Variants in IMMP2L observed in about 807,000 individuals in gnomAD.
The protein encoded by IMMP2L is inner mitochondrial membrane peptidase subunit 2.
Under a neutral mutation model 19.3 loss-of-function variants are expected in IMMP2L, and 18 were observed. The observed-to-expected ratio is 0.93, with a 90% CI of 0.64 to 1.38. IMMP2L has a LOEUF of 1.38. Among genes scored for constraint, IMMP2L ranks in the 40% most tolerant of loss-of-function variants. The pLI is 0.00. For synonymous variants in IMMP2L, 76 were observed against 73.0 expected, an observed-to-expected ratio of 1.04 and a Z score of -0.21; for missense variants, 233 against 218.2, an observed-to-expected ratio of 1.07 and a Z score of -0.43.
rs1383223857 is a variant in IMMP2L at position 110,752,098 on chromosome 7, G to C, written c.409-88377C>G. ...TGTTTGTCCAAGTTTGAGAACCACT[G>C]CTTAATATAGAATTTTAACCCAGGC... On this transcript the variant is annotated intron_variant, in intron 5 of 5. Transcript: ENST00000405709. 4.6e-5 allele frequency among the ~76,000 whole-genome samples: 7 copies of C among 152,100 alleles called. 1 individual carries two copies. The highest frequency in any genetic ancestry group is 1.7e-4 in the African/African-American group (7 of 41,534).
At chr7:111,012,223 G>T (rs1825043255) in intron 3 of IMMP2L, among the ~76,000 whole-genome samples, 1 of 152,106 alleles carries the variant, frequency 6.6e-6, no homozygotes, top group African/African-American at 2.4e-5. Context: ...TTTCTGATGA[G>T]ATGTCCAAGC....
intron 3 of IMMP2L, among the ~76,000 whole-genome samples, chr7:110,972,134 G>C (rs1820204066): frequency 6.6e-6 from 1 of 151,164 alleles, no homozygotes; most frequent in African/African-American, 2.4e-5. Flanking sequence ...GCCCCCAATT[G>C]TAGACTGGAA....
At chr7:111,439,648 T>TGC (rs1348018865) in intron 3 of IMMP2L, among the ~76,000 whole-genome samples, 2 of 151,972 alleles carry the variant, frequency 1.3e-5, no homozygotes, top group African/African-American at 2.4e-5. Context: ...GGAAGTGTCT[T>TGC]GCCTCAATGT....
At chr7:111,265,528 G>C (rs1817740358) in intron 3 of IMMP2L, among the ~76,000 whole-genome samples, 1 of 152,090 alleles carries the variant, frequency 6.6e-6, no homozygotes, top group Non-Finnish European at 1.5e-5. Flanking sequence ...AAGGACAAAG[G>C]AATCAGAAAA....
At position 111,410,964 on chromosome 7, in the gene IMMP2L, A is replaced by C. The variant is rs1289025694; in HGVS notation, c.239+76274T>G. ...AAATAAGAGGAAAGAGGTCAAGAAAATATTTAAAGAAAACATGCCCCCAAT... is the reference window on the plus strand; with the variant it reads ...AAATAAGAGGAAAGAGGTCAAGAAACTATTTAAAGAAAACATGCCCCCAAT... On this transcript the variant is annotated intron_variant, in intron 3 of 5. Coordinates refer to ENST00000405709, the MANE Select transcript of IMMP2L (RefSeq NM_032549.4). 2.0e-5 allele frequency among the ~76,000 whole-genome samples: 3 copies of C among 151,540 alleles called. 1 individual carries two copies. The highest frequency in any genetic ancestry group is 7.3e-5 in the African/African-American group (3 of 41,058).
intron 3 of IMMP2L, among the ~76,000 whole-genome samples, chr7:111,434,794 T>G (rs1047868121): frequency 6.6e-6 from 1 of 151,796 alleles, no homozygotes; most frequent in Non-Finnish European, 1.5e-5. Flanking sequence ...CCTCCGGTGA[T>G]CCACCCGCCT....
chr7:111,279,410 C>G (rs1819452775), intron 3 of IMMP2L, among the ~76,000 whole-genome samples: 2 of 151,838 alleles, frequency 1.3e-5, no homozygotes. Flanking sequence ...TTAAGATGGG[C>G]CCTAATCCAA....
Position 111,073,838 on chromosome 7 carries a change from G to A in IMMP2L, c.240-110273C>T, listed in dbSNP as rs574611907. Among the ~76,000 whole-genome samples, 11 of 152,248 alleles carry A rather than the reference G, an allele frequency of 7.2e-5. No homozygotes were observed. The East Asian group carries it at 1.5e-3, about 21-fold the overall frequency. ...TATTTCTAATGGTCTGTACACTAAT[G>A]TTCTTTAATTATTAACCTTTGTCTT... On this transcript the variant is annotated intron_variant, in intron 3 of 5. Transcript: ENST00000405709.
At chr7:110,668,487 C>T (rs1791609512) in intron 5 of IMMP2L, among the ~76,000 whole-genome samples, 1 of 152,138 alleles carries the variant, frequency 6.6e-6, no homozygotes, top group Non-Finnish European at 1.5e-5. Context: ...AACTTTGTTT[C>T]ATAAGGGTGA....
chr7:110,701,928 CT>C (rs1286849432), intron 5 of IMMP2L, among the ~76,000 whole-genome samples: 2 of 151,538 alleles, frequency 1.3e-5, no homozygotes, highest in Non-Finnish European at 2.9e-5. Flanking sequence ...GAATGGTTTC[CT>C]TTTTTTTATT....
At chr7:111,222,325 A>C (rs1455382128) in intron 3 of IMMP2L, among the ~76,000 whole-genome samples, 1 of 151,986 alleles carries the variant, frequency 6.6e-6, no homozygotes, top group African/African-American at 2.4e-5. Context: ...AACAAAACAA[A>C]AAAACTCTGC....
intron 3 of IMMP2L, among the ~76,000 whole-genome samples, chr7:111,454,419 T>G (rs1839503805): frequency 6.6e-6 from 1 of 152,140 alleles, no homozygotes; most frequent in Non-Finnish European, 1.5e-5. Flanking sequence ...CTCCATCAAA[T>G]ACATTTAATT....
intron 1 of IMMP2L, among the ~76,000 whole-genome samples, chr7:111,558,024 T>C (rs142858996): frequency 1.6e-3 from 236 of 151,816 alleles, no homozygotes; most frequent in African/African-American, 4.6e-3. Context: ...TAGAAAAATA[T>C]GGTTATTCAG....
chr7:111,221,654 C>T (rs1382232092), intron 3 of IMMP2L, among the ~76,000 whole-genome samples: 2 of 151,852 alleles, frequency 1.3e-5, no homozygotes, highest in Admixed American at 1.3e-4. Context: ...ATTCCATGTT[C>T]ACATGTGGGA....
At chr7:111,466,306 C>T (rs953374978) in intron 3 of IMMP2L, among the ~76,000 whole-genome samples, 1 of 152,020 alleles carries the variant, frequency 6.6e-6, no homozygotes, top group Non-Finnish European at 1.5e-5. Context: ...AACTAACCTG[C>T]ACATTGTGCA....
At chr7:110,911,223 A>C (rs1275108461) in intron 4 of IMMP2L, among the ~76,000 whole-genome samples, 1 of 152,164 alleles carries the variant, frequency 6.6e-6, no homozygotes, top group African/African-American at 2.4e-5. Flanking sequence ...ATAGCCATTT[A>C]CCTAAGCTAT....
intron 5 of IMMP2L, among the ~76,000 whole-genome samples, chr7:110,823,688 A>G (rs1302939765): frequency 6.6e-6 from 1 of 152,068 alleles, no homozygotes; most frequent in African/African-American, 2.4e-5. Context: ...ATATTTACTT[A>G]TTTGTCCTAG....
chr7:111,488,610 C>T (rs1462465863), intron 2 of IMMP2L, among the ~76,000 whole-genome samples: 33 of 152,096 alleles, frequency 2.2e-4, no homozygotes, highest in Non-Finnish European at 2.9e-5. Context: ...CATATTTTTG[C>T]AACTGTAAAT....
intron 1 of IMMP2L, among the ~76,000 whole-genome samples, chr7:111,527,175 T>C (rs1442062857): frequency 2.6e-5 from 4 of 152,100 alleles, no homozygotes; most frequent in Admixed American, 6.6e-5. Context: ...AAGGGGCTTA[T>C]TTGGGAGGCC....
Sources: gnomAD v4.1 joint callset for allele counts (sites outside exome capture counted in the v4.1 genomes callset) on GRCh38, gnomAD v4.1.1 for gene constraint, MANE v1.5 for transcripts, NCBI Gene and HGNC (gene_info 2026-07-23, HGNC 2026-07-21) for gene names.